NRF1: variants seen among roughly 807,000 people sequenced by gnomAD.
NRF1 encodes the protein nuclear respiratory factor 1.
Under a neutral mutation model 58.5 loss-of-function variants are expected in NRF1, and 5 were observed. That is an observed-to-expected ratio of 0.09 (90% confidence interval 0.04 to 0.18). NRF1 has a LOEUF of 0.18. Among genes scored for constraint, NRF1 ranks in the 10% least tolerant of loss-of-function variants. The probability of loss-of-function intolerance (pLI) is 1.00; values close to 1 mark genes in which losing one functional copy is unlikely to be tolerated. For synonymous variants in NRF1, 224 were observed against 246.7 expected (o/e 0.91, Z 0.86); for missense variants, 288 against 657.7 (o/e 0.44, Z 6.15).
chr7:129,678,806 C>G (rs1436448569), intron 4 of NRF1, among the ~76,000 whole-genome samples: 1 of 152,040 alleles, frequency 6.6e-6, no homozygotes, highest in East Asian at 1.9e-4. Flanking sequence ...GAAAAAGATT[C>G]ATCTAGAAGA....
rs370373936 is a variant in NRF1, at chr7:129,669,594, T to TA, written c.224-1829dup. Among the ~76,000 whole-genome samples, 8 of 152,224 alleles carry TA rather than the reference T, an allele frequency of 5.3e-5. No individual in the cohort carries two copies. The South Asian group carries it at 1.4e-3, about 28-fold the overall frequency. ...CTGCAAGAAACCAAATAACTCAATATAAAAAATGGGCAAGGGACTCGAATA... is the reference window on the plus strand; with the variant it reads ...CTGCAAGAAACCAAATAACTCAATATAAAAAAATGGGCAAGGGACTCGAATA... On this transcript the variant is annotated intron_variant, in intron 2 of 10. Transcript: ENST00000393232.
At chr7:129,669,521 A>G (rs12112031) in intron 2 of NRF1, among the ~76,000 whole-genome samples, 2 of 152,220 alleles carry the variant, frequency 1.3e-5, no homozygotes, top group Admixed American at 6.5e-5. Context: ...AACTTTGCAC[A>G]TATGTTTTTA....
chr7:129,688,165 T>C (rs1436728691), intron 4 of NRF1, among the ~76,000 whole-genome samples: 1 of 152,208 alleles, frequency 6.6e-6, no homozygotes, highest in African/African-American at 2.4e-5. Context: ...AAGGTCTGGC[T>C]CTGTCACCCT....
intron 10 of NRF1, among the ~76,000 whole-genome samples, chr7:129,747,887 A>G (rs1804016886): frequency 6.6e-6 from 1 of 152,226 alleles, no homozygotes; most frequent in South Asian, 2.1e-4. Flanking sequence ...ACTACCATCA[A>G]GTTTCTGAAA....
chr7:129,645,663 T>C (rs375287054), intron 1 of NRF1, among the ~76,000 whole-genome samples: 1 of 152,190 alleles, frequency 6.6e-6, no homozygotes, highest in Non-Finnish European at 1.5e-5. Flanking sequence ...TTTGTCAGTG[T>C]TATTTCTATG....
At chr7:129,752,952 A>T (rs2116329311) in intron 10 of NRF1, among the ~76,000 whole-genome samples, 1 of 152,230 alleles carries the variant, frequency 6.6e-6, no homozygotes, top group African/African-American at 2.4e-5. Context: ...CACGTCTTCC[A>T]TTTCGGTGAG....
intron 2 of NRF1, among the ~76,000 whole-genome samples, chr7:129,669,637 G>T (rs1339767608): frequency 6.6e-6 from 1 of 152,206 alleles, no homozygotes; most frequent in Non-Finnish European, 1.5e-5. Flanking sequence ...CTGTAAGGAA[G>T]ACTTAGAAAT....
intron 1 of NRF1, among the ~76,000 whole-genome samples, chr7:129,616,320 T>A (rs534428412): frequency 1.8e-4 from 27 of 152,332 alleles, no homozygotes; most frequent in Admixed American, 1.6e-3. Flanking sequence ...TGGTGGTTCA[T>A]GCCTATAATC....
chr7:129,740,862 G>A (rs1176577333), intron 10 of NRF1, among the ~76,000 whole-genome samples: 7 of 152,174 alleles, frequency 4.6e-5, no homozygotes, highest in African/African-American at 1.7e-4. Context: ...CTTAAAGACT[G>A]CAGATCAAAA....
chr7:129,658,828 CAA>C (rs1340820172), intron 2 of NRF1, among the ~76,000 whole-genome samples: 1 of 151,810 alleles, frequency 6.6e-6, no homozygotes, highest in East Asian at 1.9e-4. Flanking sequence ...TTAAAAGTAA[CAA>C]TATAACAATT....
rs948374924 is a variant in NRF1, at chr7:129,741,179, G to T, written c.1348+13814G>T. On this transcript the variant is annotated intron_variant, in intron 10 of 10. Coordinates refer to ENST00000393232, the MANE Select transcript of NRF1 (RefSeq NM_005011.5). The surrounding 1 kb of genome is among the most constrained non-coding windows in gnomAD (Gnocchi z 4.0). ...TCAATGAGCCAGCACACCATCCTAT[G>T]AACAGAACACCAATCTGAGCCAGGG... is the stretch of plus-strand genomic sequence containing the variant. 1.3e-5 allele frequency among the ~76,000 whole-genome samples: 2 copies of T among 152,100 alleles called. No individual in the cohort carries two copies. Among genetic ancestry groups the T allele is most frequent in the Admixed American group, 6.5e-5 (1 of 15,272 alleles).
chr7:129,706,060 C>G (rs745595425), intron 5 of NRF1, among the ~76,000 whole-genome samples: 2 of 152,116 alleles, frequency 1.3e-5, no homozygotes, highest in Non-Finnish European at 2.9e-5. Flanking sequence ...GAAAATAGTC[C>G]AGCCAGGGGA....
At chr7:129,696,927 T>C (rs555297855) in intron 5 of NRF1, among the ~76,000 whole-genome samples, 225 of 152,316 alleles carry the variant, frequency 1.5e-3, no homozygotes, top group Admixed American at 3.3e-3. Flanking sequence ...ACCATGGTTC[T>C]CACTTTCATC....
intron 1 of NRF1, among the ~76,000 whole-genome samples, chr7:129,645,073 T>C (rs1267102995): frequency 6.6e-6 from 1 of 152,084 alleles, no homozygotes; most frequent in Non-Finnish European, 1.5e-5. Context: ...ATCATGTAAC[T>C]GTCCCTTCAA....
chr7:129,754,338 C>T (rs989170900), intron 10 of NRF1, among the ~76,000 whole-genome samples: 1 of 151,358 alleles, frequency 6.6e-6, no homozygotes, highest in Non-Finnish European at 1.5e-5. Flanking sequence ...TGGCACACGC[C>T]TGTGGTTCCA....
chr7:129,628,576 G>A (rs1342446531), intron 1 of NRF1, among the ~76,000 whole-genome samples: 2 of 152,156 alleles, frequency 1.3e-5, no homozygotes, highest in East Asian at 3.9e-4. Flanking sequence ...TCTCTTTAAT[G>A]TCTGGCTTAA....
chr7:129,630,928 C>G, intron 1 of NRF1, among the ~76,000 whole-genome samples: 1 of 152,228 alleles, frequency 6.6e-6, no homozygotes, highest in South Asian at 2.1e-4. Context: ...GTAGGCATTT[C>G]GAAGTTTGAC....
chr7:129,747,631 T>C (rs931847764), intron 10 of NRF1, among the ~76,000 whole-genome samples: 1 of 152,194 alleles, frequency 6.6e-6, no homozygotes, highest in African/African-American at 2.4e-5. Flanking sequence ...CCCTGTGAGA[T>C]GAGTGATCAC....
chr7:129,732,886 C>A (rs1378158207), intron 10 of NRF1, among the ~76,000 whole-genome samples: 1 of 152,110 alleles, frequency 6.6e-6, no homozygotes, highest in Non-Finnish European at 1.5e-5. Context: ...GCCTGGGCAA[C>A]ATGGTCAAAC....
Sources: allele counts gnomAD v4.1 joint callset (sites outside exome capture counted in the v4.1 genomes callset), GRCh38; gene constraint gnomAD v4.1.1; non-coding constraint Gnocchi (gnomAD v3.1); transcripts MANE v1.5; gene names NCBI Gene and HGNC (gene_info 2026-07-23, HGNC 2026-07-21).